SGCD: variants seen among roughly 807,000 people sequenced by gnomAD.
SGCD encodes delta-sarcoglycan.
Under a neutral mutation model 36.6 loss-of-function variants are expected in SGCD, and 18 were observed. The observed-to-expected ratio is 0.49, with a 90% CI of 0.34 to 0.73. SGCD has a LOEUF of 0.73. SGCD is among the 30% of genes least tolerant of loss of function. The probability of loss-of-function intolerance (pLI) is 0.01; values close to 1 mark genes in which losing one functional copy is unlikely to be tolerated. For missense variants in SGCD, 387 were observed against 346.7 expected (o/e 1.12, Z -0.92); for synonymous variants, 133 against 130.6 (o/e 1.02, Z -0.12).
chr5:156,333,773 T>C (rs1174525264), intron 2 of SGCD, among the ~76,000 whole-genome samples: 1 of 130,842 alleles, frequency 7.6e-6, no homozygotes, highest in African/African-American at 2.9e-5. Context: ...TTCTTTATGT[T>C]AGAAAAGTGA....
the SGCD span, among the ~76,000 whole-genome samples, chr5:155,834,083 A>G: frequency 6.6e-6 from 1 of 152,222 alleles, no homozygotes; most frequent in African/African-American, 2.4e-5. Flanking sequence ...ATGCCCATGC[A>G]GAGTTAAATA....
At chr5:156,602,638 A>G (rs1319512172) in intron 6 of SGCD, among the ~76,000 whole-genome samples, 1 of 152,050 alleles carries the variant, frequency 6.6e-6, no homozygotes, top group East Asian at 1.9e-4. Context: ...TAATTTGATG[A>G]ATTTCTTGCA....
intron 2 of SGCD, among the ~76,000 whole-genome samples, chr5:156,333,783 ATTTTTTTTTTTTTTTTTTTT>A (rs70984404): frequency 4.0e-4 from 8 of 19,966 alleles, no homozygotes; most frequent in South Asian, 2.6e-3. Flanking sequence ...TAGAAAAGTG[ATTTTTTTTTTTTTTTTTTTT>A]TTTTTTTTTT....
In SGCD at chr5:156,071,538, G is replaced by C. The variant is rs569352447; in HGVS notation, c.-281-46340G>C. Among the ~76,000 whole-genome samples the C allele has an allele frequency of 2.0e-3, 311 of 152,274 alleles. 1 individual carries two copies. The highest frequency in any genetic ancestry group is 7.2e-3 in the African/African-American group (301 of 41,536). On this transcript the variant is annotated intron_variant, in intron 1 of 9. Transcript: ENST00000517913. ...TGTTCTTTTACATTTGCTGAGGAGA[G>C]CTTTACTTCCAACTATGTGGTCAGT... is the stretch of plus-strand genomic sequence containing the variant.
At chr5:156,211,556 C>T (rs1460767754) in intron 3 of SGCD, among the ~76,000 whole-genome samples, 2 of 148,408 alleles carry the variant, frequency 1.3e-5, no homozygotes, top group Admixed American at 1.4e-4. Flanking sequence ...TGCAGTGAGC[C>T]GAGATCGTGC....
intron 3 of SGCD, among the ~76,000 whole-genome samples, chr5:156,283,581 G>A (rs1279088232): frequency 6.6e-6 from 1 of 152,076 alleles, no homozygotes; most frequent in African/African-American, 2.4e-5. Context: ...TTGTCTATTA[G>A]GGAGCATTGC....
At chr5:156,748,829 G>C (rs1757041486) in intron 7 of SGCD, among the ~76,000 whole-genome samples, 1 of 152,122 alleles carries the variant, frequency 6.6e-6, no homozygotes, top group Admixed American at 6.5e-5. Context: ...GTCTCGCTCT[G>C]TTGCCCAGCC....
intron 1 of SGCD, among the ~76,000 whole-genome samples, chr5:155,975,725 G>A (rs1380461899): frequency 2.2e-5 from 3 of 139,458 alleles, no homozygotes; most frequent in African/African-American, 8.0e-5. Context: ...CGCCTCCTGG[G>A]TTCAAGCAGT....
At chr5:156,168,816 T>C (rs1182169917) in intron 3 of SGCD, among the ~76,000 whole-genome samples, 3 of 152,172 alleles carry the variant, frequency 2.0e-5, no homozygotes, top group African/African-American at 4.8e-5. Context: ...CTCTGAGAGA[T>C]AGAAGAGTAA....
intron 3 of SGCD, among the ~76,000 whole-genome samples, chr5:156,375,607 G>A (rs180967825): frequency 1.2e-3 from 181 of 152,172 alleles, no homozygotes; most frequent in African/African-American, 4.0e-3. Context: ...AAGAAATGCC[G>A]TGGAAAATAA....
chr5:156,151,103 G>A (rs1762823326), intron 3 of SGCD, among the ~76,000 whole-genome samples: 1 of 151,664 alleles, frequency 6.6e-6, no homozygotes, highest in Non-Finnish European at 1.5e-5. Context: ...TACATCAGGG[G>A]GAGCCAATGG....
intron 6 of SGCD, among the ~76,000 whole-genome samples, chr5:156,640,802 T>C (rs1361472372): frequency 6.6e-6 from 1 of 152,214 alleles, no homozygotes; most frequent in Non-Finnish European, 1.5e-5. Context: ...AAATATTTGG[T>C]ATGTATCCTA....
intron 3 of SGCD, among the ~76,000 whole-genome samples, chr5:156,377,871 T>C (rs1435495680): frequency 6.6e-6 from 1 of 152,184 alleles, no homozygotes; most frequent in African/African-American, 2.4e-5. Context: ...TGAGAAAAAC[T>C]CAAGGTCTAT....
At chr5:155,891,110 G>A (rs1756118900) in intron 1 of SGCD, among the ~76,000 whole-genome samples, 1 of 152,228 alleles carries the variant, frequency 6.6e-6, no homozygotes, top group East Asian at 1.9e-4. Flanking sequence ...ACAGTATGTG[G>A]AGCATCAGAT....
At position 156,054,406 on chromosome 5, in the gene SGCD, C is replaced by T. The variant is rs1254978648; in HGVS notation, c.-281-63472C>T. 4.2e-5 allele frequency among the ~76,000 whole-genome samples: 6 copies of T among 143,558 alleles called. 1 individual carries two copies. The highest frequency in any genetic ancestry group is 2.2e-4 in the South Asian group (1 of 4,552). 94.2% of individuals were successfully genotyped at this position (143,558 alleles called of 152,430 possible). ...GTTCACGCCATTCTCCTGCCTCAGCCTCCCAACTACCTGGGACTACAGGCA... is the reference window on the plus strand; with the variant it reads ...GTTCACGCCATTCTCCTGCCTCAGCTTCCCAACTACCTGGGACTACAGGCA... On this transcript the variant is annotated intron_variant, in intron 1 of 9. Transcript: ENST00000517913.
intron 3 of SGCD, among the ~76,000 whole-genome samples, chr5:156,352,837 AATG>A (rs1226227518): frequency 6.6e-6 from 1 of 152,164 alleles, no homozygotes; most frequent in African/African-American, 2.4e-5. Context: ...ACAGTCAGTG[AATG>A]ATGAAACTGG....
At chr5:156,490,641 T>C (rs1755893937) in intron 3 of SGCD, among the ~76,000 whole-genome samples, 1 of 151,998 alleles carries the variant, frequency 6.6e-6, no homozygotes, top group Non-Finnish European at 1.5e-5. Flanking sequence ...AAAAGTGTTT[T>C]ATAAAATTCA....
At chr5:156,024,757 C>T (rs1561686444) in intron 1 of SGCD, among the ~76,000 whole-genome samples, 1 of 152,004 alleles carries the variant, frequency 6.6e-6, no homozygotes. Flanking sequence ...TAGGAGTTCG[C>T]AACCAGCCTG....
chr5:156,753,889 C>T (rs980254887), intron 7 of SGCD, among the ~76,000 whole-genome samples: 25 of 152,250 alleles, frequency 1.6e-4, no homozygotes, highest in Admixed American at 1.0e-3. Context: ...ACAGCCAAAC[C>T]ATATCAAGGA....
Sources: gnomAD v4.1 joint callset for allele counts (sites outside exome capture counted in the v4.1 genomes callset) on GRCh38, gnomAD v4.1.1 for gene constraint, MANE v1.5 for transcripts, NCBI Gene and HGNC (gene_info 2026-07-23, HGNC 2026-07-21) for gene names.